Variants in SDK1 observed in about 807,000 individuals in gnomAD.
SDK1 encodes the protein protein sidekick-1.
Under a neutral mutation model 245.5 loss-of-function variants are expected in SDK1, and 157 were observed. The ratio of observed to expected loss-of-function variants is 0.64; its 90% confidence interval spans 0.56 to 0.73. The LOEUF (loss-of-function observed/expected upper bound fraction) is 0.73. Ranked by LOEUF, SDK1 falls within the 30% of genes least tolerant of loss-of-function variation. The pLI is 0.00. For missense variants in SDK1, 3,583 were observed against 3,002.3 expected (o/e 1.19, Z -4.52); for synonymous variants, 1,647 against 1,278.5 (o/e 1.29, Z -6.15).
intron 1 of SDK1, among the ~76,000 whole-genome samples, chr7:3,580,037 T>A (rs2128632209): frequency 6.6e-6 from 1 of 152,230 alleles, no homozygotes; most frequent in East Asian, 1.9e-4. Flanking sequence ...GCAATCCCAT[T>A]CTCAATAGCC....
intron 5 of SDK1, among the ~76,000 whole-genome samples, chr7:3,932,819 G>A (rs917999885): frequency 3.3e-5 from 5 of 152,208 alleles, no homozygotes; most frequent in Admixed American, 3.3e-4. Context: ...AGAGAACAAT[G>A]TGTACACAAA....
At chr7:3,733,667 G>C (rs1297738512) in intron 4 of SDK1, among the ~76,000 whole-genome samples, 2 of 152,142 alleles carry the variant, frequency 1.3e-5, no homozygotes, top group African/African-American at 4.8e-5. Flanking sequence ...ACAGTGACTA[G>C]TAATGAAGTA....
intron 42 of SDK1, among the ~76,000 whole-genome samples, chr7:4,238,387 A>AT (rs1786316341): frequency 6.6e-6 from 1 of 151,358 alleles, no homozygotes; most frequent in Non-Finnish European, 1.5e-5. Context: ...ACCTAATCAC[A>AT]TTTTTTAATA....
At chr7:4,019,621 T>A (rs1365306535) in intron 17 of SDK1, among the ~76,000 whole-genome samples, 17 of 150,276 alleles carry the variant, frequency 1.1e-4, no homozygotes, top group Non-Finnish European at 2.5e-4. Context: ...AAAAAAAAAA[T>A]GCTCTTCATG....
chr7:4,041,904 C>T (rs1788668461), intron 17 of SDK1, among the ~76,000 whole-genome samples: 1 of 131,266 alleles, frequency 7.6e-6, no homozygotes, highest in Admixed American at 7.0e-5. Context: ...ACCTCCGCCT[C>T]CCAGGTTCGA....
intron 17 of SDK1, among the ~76,000 whole-genome samples, chr7:4,020,834 G>T (rs1422325235): frequency 6.6e-6 from 1 of 152,194 alleles, no homozygotes; most frequent in Admixed American, 6.5e-5. Flanking sequence ...TGAAACTGTG[G>T]CATTTACACC....
At chr7:3,744,921 G>A (rs1779576898) in intron 4 of SDK1, among the ~76,000 whole-genome samples, 1 of 151,914 alleles carries the variant, frequency 6.6e-6, no homozygotes, top group Admixed American at 6.5e-5. Context: ...CTTTTTTTGT[G>A]GTTATGCTTT....
At chr7:3,469,651 A>G (rs1283108744) in intron 1 of SDK1, among the ~76,000 whole-genome samples, 1 of 152,142 alleles carries the variant, frequency 6.6e-6, no homozygotes, top group African/African-American at 2.4e-5. Flanking sequence ...AAGACTTTGT[A>G]TTCTCCATCT....
intron 31 of SDK1, among the ~76,000 whole-genome samples, chr7:4,161,240 A>G (rs987687901): frequency 1.3e-5 from 2 of 152,196 alleles, no homozygotes; most frequent in Admixed American, 6.5e-5. Flanking sequence ...TTGTCCCTCC[A>G]GAGAGCAGAG....
intron 8 of SDK1, among the ~76,000 whole-genome samples, chr7:3,961,336 G>A (rs896794672): frequency 1.3e-5 from 2 of 152,122 alleles, no homozygotes; most frequent in African/African-American, 2.4e-5. Context: ...ACATAATTAA[G>A]GCAAAGAAGA....
chr7:4,106,707 C>G (rs1348059164), intron 22 of SDK1, among the ~76,000 whole-genome samples: 3 of 152,174 alleles, frequency 2.0e-5, no homozygotes, highest in African/African-American at 4.8e-5. Context: ...CTGTGCTTTC[C>G]CCCACTCTCC....
At position 4,113,432 on chromosome 7, in the gene SDK1, G is replaced by A. The variant is rs376638701; in HGVS notation, c.3578G>A (p.Arg1193His). 2.5e-5 allele frequency: 40 copies of A among 1,613,600 alleles called. No homozygotes were observed. In the East Asian group the frequency reaches 6.7e-4, roughly 27 times the overall value. Residue 1193 changes from arginine to histidine, a missense_variant, in exon 24 of 45, where the codon CGC becomes CAC. Transcript: ENST00000404826. ...GCCAGTGAGACCAGCCTGCGGCTTC[G>A]CTGGGTGGTGAGTGGGGGTGAGAAG... ...RTASETSLRLRWVPLPDSQYN... is the reference protein window; with the variant it reads ...RTASETSLRLHWVPLPDSQYN...
intron 5 of SDK1, among the ~76,000 whole-genome samples, chr7:3,837,004 G>A (rs1278731014): frequency 6.6e-6 from 1 of 152,078 alleles, no homozygotes; most frequent in Non-Finnish European, 1.5e-5. Context: ...GAGAGCTCTG[G>A]TGTCTCTTCC....
chr7:4,205,701 G>A (rs187053306), intron 35 of SDK1, among the ~76,000 whole-genome samples, 178 bp from the exon 36 acceptor site: 32 of 152,334 alleles, frequency 2.1e-4, no homozygotes, highest in African/African-American at 3.1e-4. Flanking sequence ...ACAGAGCCAC[G>A]GATCCCAGGA....
chr7:3,856,027 T>C (rs1780536753), intron 5 of SDK1, among the ~76,000 whole-genome samples: 1 of 152,204 alleles, frequency 6.6e-6, no homozygotes, highest in African/African-American at 2.4e-5. Flanking sequence ...ATGTTTATTA[T>C]TGATAGCATT....
intron 1 of SDK1, among the ~76,000 whole-genome samples, chr7:3,479,711 A>G (rs951624106): frequency 1.4e-4 from 22 of 151,818 alleles, no homozygotes; most frequent in African/African-American, 5.3e-4. Context: ...AAAATACAAA[A>G]TTTAGCTGGG....
intron 44 of SDK1, among the ~76,000 whole-genome samples, chr7:4,248,904 TACC>T (rs1390232369): frequency 6.6e-6 from 1 of 152,088 alleles, no homozygotes; most frequent in African/African-American, 2.4e-5. Context: ...CACACATGCA[TACC>T]ACCATGCACA....
chr7:4,015,046 C>T (rs1003279736), intron 16 of SDK1, among the ~76,000 whole-genome samples: 1 of 152,060 alleles, frequency 6.6e-6, no homozygotes, highest in African/African-American at 2.4e-5. Context: ...CCATACTTCT[C>T]GGTAGAAGAG....
intron 35 of SDK1, among the ~76,000 whole-genome samples, chr7:4,180,812 C>G (rs1004815922): frequency 1.3e-5 from 2 of 152,090 alleles, no homozygotes; most frequent in African/African-American, 4.8e-5. Flanking sequence ...ATTTAATGAC[C>G]AGATCTCATG....
Sources: gnomAD v4.1 joint callset for allele counts (sites outside exome capture counted in the v4.1 genomes callset) on GRCh38, gnomAD v4.1.1 for gene constraint, MANE v1.5 for transcripts, NCBI Gene and HGNC (gene_info 2026-07-23, HGNC 2026-07-21) for gene names.